The following EGFLAM variants were observed in gnomAD, a reference collection of about 807,000 sequenced individuals.
The protein encoded by EGFLAM is EGF like, fibronectin type III and laminin G domains, also known as pikachurin.
A neutral mutation model predicts 113.1 loss-of-function variants in EGFLAM; 79 were observed. That is an observed-to-expected ratio of 0.70 (90% CI 0.58 to 0.84). EGFLAM has a LOEUF of 0.84. Ranked by LOEUF, EGFLAM falls within the 40% of genes least tolerant of loss-of-function variation. The pLI is 0.00. For missense variants in EGFLAM, 1,265 were observed against 1,291.6 expected (o/e 0.98, Z 0.32); for synonymous variants, 504 against 487.6 (o/e 1.03, Z -0.44).
intron 19 of EGFLAM, 118 bp downstream of exon 19, chr5:38,451,576 T>C (rs534500675): frequency 1.4e-6 from 2 of 1,431,466 alleles, no homozygotes; most frequent in East Asian, 2.3e-5. Context: ...GGCTGAAGCC[T>C]GAAGCTTCAA....
chr5:38,347,724 AC>A (rs1195427835), intron 3 of EGFLAM, among the ~76,000 whole-genome samples: 1 of 152,162 alleles, frequency 6.6e-6, no homozygotes, highest in Non-Finnish European at 1.5e-5. Flanking sequence ...GGAAGGATAA[AC>A]AGGGGGACAA....
At chr5:38,309,942 C>T (rs569523223) in intron 1 of EGFLAM, among the ~76,000 whole-genome samples, 7 of 152,284 alleles carry the variant, frequency 4.6e-5, no homozygotes, top group African/African-American at 7.2e-5. Flanking sequence ...TAATGCCAGA[C>T]GATGGCATCA....
rs564698793 is a variant in EGFLAM at position 38,408,011 on chromosome 5, C to T, written c.1248+106C>T. 5.2e-4 allele frequency: 421 copies of T among 806,862 alleles called. 7 individuals carry two copies. The South Asian group carries it at 6.2e-3, about 12-fold the overall frequency. The allele number at this position is 806,862 out of a possible 1,614,324, so 50.0% of individuals were successfully genotyped here. ...GGAAGCGGGGCAGCAGGGAGAGCGACGAAAGGTAAATATGACACAGAGCCT... is the reference window on the plus strand; with the variant it reads ...GGAAGCGGGGCAGCAGGGAGAGCGATGAAAGGTAAATATGACACAGAGCCT... On this transcript the variant is annotated intron_variant, in intron 9 of 21. Transcript: ENST00000322350.
Position 38,390,554 on chromosome 5 carries a change from G to C in EGFLAM, c.713-15572G>C, listed in dbSNP as rs189212586. Among the ~76,000 whole-genome samples, 160 of 152,260 alleles carry C rather than the reference G, an allele frequency of 1.1e-3. 1 individual carries two copies. The highest frequency in any genetic ancestry group is 1.9e-3 in the Non-Finnish European group (128 of 68,012). ...ATATTGTAGTGCATGCATATCTTCA[G>C]CTCTACTACCTATTATAAAATTCTT... On this transcript the variant is annotated intron_variant, in intron 6 of 21. Coordinates refer to ENST00000322350, the MANE Select transcript of EGFLAM (RefSeq NM_152403.4).
At chr5:38,410,171 C>T (rs1741432655) in intron 10 of EGFLAM, among the ~76,000 whole-genome samples, 1 of 152,234 alleles carries the variant, frequency 6.6e-6, no homozygotes. Context: ...CTTAAATTAC[C>T]TTCAGCATAA....
intron 1 of EGFLAM, among the ~76,000 whole-genome samples, chr5:38,274,169 G>A (rs1328419882): frequency 6.6e-6 from 1 of 151,926 alleles, no homozygotes; most frequent in African/African-American, 2.4e-5. Flanking sequence ...AAGAAAAAAT[G>A]AAAAAAGAAT....
chr5:38,451,181 GT>G, intron 18 of EGFLAM, 133 bp from the exon 19 acceptor site: 1 of 1,203,390 alleles, frequency 8.3e-7, no homozygotes, highest in Non-Finnish European at 1.2e-6. Context: ...GCGACTCGTG[GT>G]AATGAAGTAA....
chr5:38,309,791 C>A (rs1490413371), intron 1 of EGFLAM, among the ~76,000 whole-genome samples: 2 of 152,184 alleles, frequency 1.3e-5, no homozygotes, highest in Non-Finnish European at 2.9e-5. Flanking sequence ...CACTCCGGTA[C>A]AACATCCAAA....
At chr5:38,357,053 A>G (rs1263760982) in intron 5 of EGFLAM, among the ~76,000 whole-genome samples, 1 of 152,210 alleles carries the variant, frequency 6.6e-6, no homozygotes, top group African/African-American at 2.4e-5. Context: ...ACACAGTGAT[A>G]AGATGCCATC....
At chr5:38,419,714 C>A (rs529036962) in intron 12 of EGFLAM, among the ~76,000 whole-genome samples, 4 of 152,262 alleles carry the variant, frequency 2.6e-5, no homozygotes, top group African/African-American at 9.6e-5. Context: ...TAGGTGCTAT[C>A]ATTAGCCTTA....
Position 38,434,163 on chromosome 5 carries a change from T to C in EGFLAM, c.2167-974T>C, listed in dbSNP as rs2561816. ...AGGCTCTGCATGCTCTGGCCCCCTC[T>C]CGCCTGTGCCTTATACTCACATTCC... On this transcript the variant is annotated intron_variant, in intron 15 of 21. Transcript: ENST00000322350. Among the ~76,000 whole-genome samples, 438 of 152,334 alleles carry C rather than the reference T, an allele frequency of 2.9e-3. 2 individuals carry two copies. Among genetic ancestry groups the C allele is most frequent in the African/African-American group, 0.01 (426 of 41,576 alleles).
chr5:38,316,558 A>G (rs1329444890), intron 1 of EGFLAM, among the ~76,000 whole-genome samples: 1 of 152,222 alleles, frequency 6.6e-6, no homozygotes, highest in Non-Finnish European at 1.5e-5. Context: ...TGCTACTGAC[A>G]TTAGTGAATA....
intron 1 of EGFLAM, among the ~76,000 whole-genome samples, chr5:38,287,199 C>T (rs898524788): frequency 6.6e-6 from 1 of 152,194 alleles, no homozygotes; most frequent in African/African-American, 2.4e-5. Flanking sequence ...TGACCTTGGT[C>T]AGTTTCCATA....
intron 10 of EGFLAM, among the ~76,000 whole-genome samples, chr5:38,409,346 T>C (rs1741398370): frequency 1.3e-5 from 2 of 152,230 alleles, no homozygotes; most frequent in Non-Finnish European, 2.9e-5. Flanking sequence ...TAACTGGCTC[T>C]GGAGGTGTTG....
At chr5:38,308,512 C>A in intron 1 of EGFLAM, among the ~76,000 whole-genome samples, 1 of 152,118 alleles carries the variant, frequency 6.6e-6, no homozygotes, top group Non-Finnish European at 1.5e-5. Flanking sequence ...CATTTTTTTT[C>A]CTAGCTGCAT....
intron 1 of EGFLAM, chr5:38,286,062 G>A (rs1181657686): frequency 6.6e-6 from 1 of 151,770 alleles, no homozygotes; most frequent in Non-Finnish European, 1.5e-5. Context: ...CTTCTGTAAT[G>A]ACACACATAT....
intron 6 of EGFLAM, among the ~76,000 whole-genome samples, chr5:38,395,550 T>A (rs1740938200): frequency 6.6e-6 from 1 of 152,204 alleles, no homozygotes; most frequent in Admixed American, 6.5e-5. Context: ...TGTCTCTGGT[T>A]TGAACAACTT....
At chr5:38,319,533 T>C (rs1053156558) in intron 1 of EGFLAM, among the ~76,000 whole-genome samples, 9 of 151,874 alleles carry the variant, frequency 5.9e-5, no homozygotes, top group African/African-American at 1.2e-4. Flanking sequence ...CCTCATGGAG[T>C]TGACATTCTA....
At chr5:38,445,796 A>G in intron 17 of EGFLAM, 1 of 1,330,842 alleles carries the variant, frequency 7.5e-7, no homozygotes, top group Non-Finnish European at 1.1e-6. Context: ...GTGGTGTGGG[A>G]GCTGGGACAT....
Sources: allele counts gnomAD v4.1 joint callset (sites outside exome capture counted in the v4.1 genomes callset), GRCh38; gene constraint gnomAD v4.1.1; transcripts MANE v1.5; gene names NCBI Gene and HGNC (gene_info 2026-07-23, HGNC 2026-07-21).